The following MMEL1 variants were observed in gnomAD, a reference collection of about 807,000 sequenced individuals.
MMEL1 encodes membrane metalloendopeptidase like 1, also known as membrane metallo-endopeptidase-like 1.
Under a neutral mutation model 117.1 loss-of-function variants are expected in MMEL1, and 98 were observed. The ratio of observed to expected loss-of-function variants is 0.84; its 90% CI spans 0.71 to 0.99. The LOEUF is 0.99. Ranked by LOEUF, MMEL1 falls within the 50% of genes least tolerant of loss-of-function variation. The pLI, the probability that MMEL1 is intolerant of heterozygous loss-of-function variation, is 0.00. For missense variants in MMEL1, 1,014 were observed against 1,049.1 expected (o/e 0.97, Z 0.46); for synonymous variants, 390 against 415.1 (o/e 0.94, Z 0.74).
chr1:2,610,029 A>G (rs1487458286), intron 4 of MMEL1, among the ~76,000 whole-genome samples, 198 bp from the exon 5 acceptor site: 1 of 152,142 alleles, frequency 6.6e-6, no homozygotes, highest in African/African-American at 2.4e-5. Flanking sequence ...ACCTGGATTC[A>G]GTGCTAGGGT....
Position 2,593,745 on chromosome 1 carries a change from C to T in MMEL1, c.1867+69G>A. On this transcript the variant is annotated intron_variant, in intron 19 of 23. Coordinates refer to ENST00000378412, the MANE Select transcript of MMEL1 (RefSeq NM_033467.4). ...GTGAAGGGGTTGAATGGAGCGCCCC[C>T]AGGCCCCTTCCTGGCTGCTTCTCCG... The T allele has an allele frequency of 2.0e-6, 3 of 1,507,128 alleles. No individual in the cohort carries two copies. The South Asian group carries it at 4.0e-5, about 20-fold the overall frequency. 93.4% of individuals were successfully genotyped at this position (1,507,128 alleles called of 1,614,324 possible).
At chr1:2,596,409 TGGG>T in intron 14 of MMEL1, 149 bp downstream of exon 14, 1 of 1,116,468 alleles carries the variant, frequency 9.0e-7, no homozygotes, top group Non-Finnish European at 1.2e-6. Context: ...GTCAGGGGCA[TGGG>T]GTGGGCACGG....
rs936430830 is a variant in MMEL1 at position 2,603,906 on chromosome 1, A to C, written c.1019T>G (p.Leu340Arg). The C allele has an allele frequency of 6.2e-6, 10 of 1,613,636 alleles. No homozygotes were observed. Among genetic ancestry groups the C allele is most frequent in the Non-Finnish European group, 6.8e-6 (8 of 1,179,936 alleles). The change falls in exon 11 of 24, where the codon CTG (leucine) becomes CGG (arginine). Residue 340 changes from leucine to arginine, a missense_variant. Physicochemically the swap from Leu to Arg is moderately radical, Grantham distance 102. Transcript: ENST00000378412. ...ALYHRMGLEE[L>R]QSQFGLKGFN... Reference sequence around the variant, plus strand: ...CACCTTCAGGCCAAACTGGCTTTGCAGCTCCTCCAGTCCCATCCGGTGGTA... The same window carrying C: ...CACCTTCAGGCCAAACTGGCTTTGCCGCTCCTCCAGTCCCATCCGGTGGTA...
At chr1:2,611,229 G>T in intron 4 of MMEL1, 52 bp downstream of exon 4, 1 of 1,518,732 alleles carries the variant, frequency 6.6e-7, no homozygotes, top group South Asian at 1.2e-5. Flanking sequence ...AGTGTCAGCC[G>T]GGAGCCCCCA....
At position 2,605,637 on chromosome 1, in the gene MMEL1, A is replaced by G; in HGVS notation, c.751-14T>C. ...GGGCTGGTCTATCTGGAAATACAGA[A>G]GGTGTGACCCTGGGCAAGGGGCCCG... On this transcript the variant is annotated splice_polypyrimidine_tract_variant and intron_variant, in intron 8 of 23. Coordinates refer to ENST00000378412, the MANE Select transcript of MMEL1 (RefSeq NM_033467.4). The G allele has an allele frequency of 6.2e-7, 1 of 1,610,230 alleles. No individual in the cohort carries two copies. Among genetic ancestry groups the G allele is most frequent in the South Asian group, 1.1e-5 (1 of 90,920 alleles).
intron 3 of MMEL1, 167 bp from the exon 4 acceptor site, chr1:2,611,507 G>C: frequency 1.9e-6 from 1 of 519,252 alleles, no homozygotes. Context: ...AAGCCAGTAG[G>C]GCAAGGCCAG....
chr1:2,626,998 C>T (rs1178436631), intron 2 of MMEL1, among the ~76,000 whole-genome samples: 4 of 152,144 alleles, frequency 2.6e-5, no homozygotes, highest in Non-Finnish European at 5.9e-5. Context: ...TTGAAAGAGA[C>T]ACATCTAAAG....
chr1:2,596,972 T>C (rs1339035533), intron 13 of MMEL1, among the ~76,000 whole-genome samples: 1 of 152,050 alleles, frequency 6.6e-6, no homozygotes, highest in African/African-American at 2.4e-5. Flanking sequence ...CCTGGTTGTC[T>C]GGCTGGACTC....
rs928301511 is a variant in MMEL1 at position 2,607,147 on chromosome 1, T to A, written c.536-78A>T. The A allele has an allele frequency of 2.4e-5, 32 of 1,316,438 alleles. No individual in the cohort carries two copies. The African/African-American group carries it at 3.9e-4, about 16-fold the overall frequency. 81.5% of individuals were successfully genotyped at this position (1,316,438 alleles called of 1,614,324 possible). A position where few individuals can be genotyped will look rare whatever the true frequency, so the allele number is the denominator to read the frequency against. On this transcript the variant is annotated intron_variant, in intron 6 of 23. Coordinates refer to ENST00000378412, the MANE Select transcript of MMEL1 (RefSeq NM_033467.4). ...ACGACACAGAACTGTGGGGGCGCCG[T>A]TGGCCGGCGTCACAGGTCCCCACAG... is the stretch of plus-strand genomic sequence containing the variant.
At chr1:2,608,698 T>C (rs547225129) in intron 6 of MMEL1, among the ~76,000 whole-genome samples, 30 of 152,004 alleles carry the variant, frequency 2.0e-4, no homozygotes, top group Non-Finnish European at 3.5e-4. Flanking sequence ...TACATGCATG[T>C]GCACATAATA....
intron 18 of MMEL1, 78 bp from the exon 19 acceptor site, chr1:2,594,011 C>A: frequency 6.7e-7 from 1 of 1,488,500 alleles, no homozygotes; most frequent in East Asian, 2.3e-5. Context: ...ATGGCGCTGC[C>A]AGGGGTTCTG....
chr1:2,598,233 T>C lies in MMEL1; in HGVS notation c.1246A>G (p.Lys416Glu). ...TTGCGGTAGTTCACTCGTGTGTCCT[T>C]GAATCTCTGGCTTAGGCTACCAATG... The part of the protein sequence containing the change: ...DRIGSLSQRF[K>E]DTRVNYRKAL... Residue 416 changes from lysine (K) to glutamate (E), a missense_variant, in exon 13 of 24, where the codon AAG becomes GAG. Lys to Glu is a moderately conservative substitution (Grantham distance 56, BLOSUM62 1). Coordinates refer to ENST00000378412, the MANE Select transcript of MMEL1 (RefSeq NM_033467.4). 6.2e-7 allele frequency: 1 copy of C among 1,614,060 alleles called. No homozygotes were observed. The highest frequency in any genetic ancestry group is 8.5e-7 in the Non-Finnish European group (1 of 1,179,982).
chr1:2,604,420 G>C, intron 9 of MMEL1, 139 bp from the exon 10 acceptor site: 1 of 1,243,308 alleles, frequency 8.0e-7, no homozygotes, highest in Non-Finnish European at 1.1e-6. Context: ...GCAGGCTCTC[G>C]GGCACACAGA....
Position 2,606,278 on chromosome 1 carries a change from G to A in MMEL1, c.720C>T (p.Asp240=), listed in dbSNP as rs766155638. ...TGATGTGCCGGCTGGAGTTCTGGTC[G>A]TCGTTCCAGATGAAGAGGTCGATGA... ...RVLIDLFIWN[D]DQNSSRHIIY... The change falls in exon 8 of 24, where the codon GAC becomes GAT. Residue 240 remains aspartate, a synonymous_variant. Transcript: ENST00000378412. 5.0e-6 allele frequency: 8 copies of A among 1,613,222 alleles called. No individual in the cohort carries two copies. Among genetic ancestry groups the A allele is most frequent in the Admixed American group, 3.3e-5 (2 of 60,026 alleles).
At position 2,595,571 on chromosome 1, in the gene MMEL1, G is replaced by T. The variant is rs952762510; in HGVS notation, c.1501-212C>A. 1.6e-4 allele frequency among the ~76,000 whole-genome samples: 24 copies of T among 152,248 alleles called. No individual in the cohort carries two copies. Among genetic ancestry groups the T allele is most frequent in the Admixed American group, 3.3e-4 (5 of 15,304 alleles). ...GTTTAATGGGGACAGAATATGGAAG[G>T]CTCCGCCCACCTGACCTAGAGCCCA... is the stretch of plus-strand genomic sequence containing the variant. On this transcript the variant is annotated intron_variant, in intron 15 of 23. Transcript: ENST00000378412. This position sits in a 1 kb window ranked among gnomAD's most constrained non-coding sequence, Gnocchi z 4.8.
At chr1:2,615,339 G>A (rs147183193) in intron 2 of MMEL1, among the ~76,000 whole-genome samples, 13 of 152,228 alleles carry the variant, frequency 8.5e-5, no homozygotes, top group African/African-American at 2.2e-4. Flanking sequence ...TGTGACCTGC[G>A]GCCTTCCTCT....
In MMEL1 at chr1:2,590,987, T is replaced by C; in HGVS notation, c.*3A>G. 2 of 1,578,352 alleles carry C rather than the reference T, an allele frequency of 1.3e-6. No individual in the cohort carries two copies. Among genetic ancestry groups the C allele is most frequent in the African/African-American group, 1.4e-5 (1 of 73,966 alleles). ...TGGGCCGCACAGCGCGGCAGGGCCT[T>C]GGCTACCACACGCGGCATCGCTCCT... On this transcript the variant is annotated 3_prime_UTR_variant, in exon 24 of 24. Transcript: ENST00000378412.
chr1:2,601,322 C>T (rs1193056753), intron 11 of MMEL1, among the ~76,000 whole-genome samples: 2 of 152,100 alleles, frequency 1.3e-5, no homozygotes, highest in Non-Finnish European at 2.9e-5. Flanking sequence ...CACACAGGAA[C>T]ACCTGATTTA....
intron 1 of MMEL1, among the ~76,000 whole-genome samples, chr1:2,632,173 C>T (rs1357246434): frequency 4.0e-5 from 6 of 151,442 alleles, no homozygotes; most frequent in Admixed American, 6.6e-5. Flanking sequence ...GGCTCGGCCT[C>T]GGGTTCAACT....
Sources: gnomAD v4.1 joint callset for allele counts (sites outside exome capture counted in the v4.1 genomes callset) on GRCh38, gnomAD v4.1.1 for gene constraint, Gnocchi (gnomAD v3.1) non-coding constraint, MANE v1.5 for transcripts, NCBI Gene and HGNC (gene_info 2026-07-23, HGNC 2026-07-21) for gene names.